TENM3: variants seen among roughly 807,000 people sequenced by gnomAD.
TENM3 encodes teneurin transmembrane protein 3, also known as teneurin-3.
Under a neutral mutation model 255.1 loss-of-function variants are expected in TENM3, and 63 were observed. The observed-to-expected ratio is 0.25, with a 90% CI of 0.20 to 0.30. The LOEUF is 0.30. TENM3 is among the 10% of genes least tolerant of loss of function. TENM3 has a pLI of 1.00. For missense variants in TENM3, 2,929 were observed against 3,461.1 expected (o/e 0.85, Z 3.86); for synonymous variants, 1,306 against 1,322.3 (o/e 0.99, Z 0.27).
the TENM3 span, among the ~76,000 whole-genome samples, chr4:181,700,913 T>G: frequency 6.6e-6 from 1 of 152,218 alleles, no homozygotes; most frequent in Non-Finnish European, 1.5e-5. Flanking sequence ...ATTTTTTAAT[T>G]TATTTTTAGT....
intron 3 of TENM3, among the ~76,000 whole-genome samples, chr4:182,471,168 A>T (rs1733086901): frequency 6.6e-6 from 1 of 152,250 alleles, no homozygotes; most frequent in Non-Finnish European, 1.5e-5. Context: ...CATAATACAC[A>T]CTTCACTGTA....
At chr4:181,606,371 C>T in the TENM3 span, among the ~76,000 whole-genome samples, 2 of 152,118 alleles carry the variant, frequency 1.3e-5, no homozygotes, top group African/African-American at 4.8e-5. Context: ...TTGTTCCTTC[C>T]GTTTTTCAGC....
chr4:181,754,284 T>TCACTCACA, the TENM3 span, among the ~76,000 whole-genome samples: 1 of 144,516 alleles, frequency 6.9e-6, no homozygotes, highest in Non-Finnish European at 1.5e-5. Context: ...TATATCCCAG[T>TCACTCACA]CACACACACA....
intron 6 of TENM3, among the ~76,000 whole-genome samples, chr4:182,659,988 G>A (rs1754088924): frequency 6.6e-6 from 1 of 152,162 alleles, no homozygotes; most frequent in Admixed American, 6.5e-5. Context: ...TAGCTTCATT[G>A]TGCCTAAGTG....
intron 3 of TENM3, among the ~76,000 whole-genome samples, chr4:182,564,800 C>G (rs1245825827): frequency 1.3e-5 from 2 of 152,258 alleles, no homozygotes; most frequent in Non-Finnish European, 2.9e-5. Context: ...GATCTAACAT[C>G]TGTTTCTCTC....
the TENM3 span, among the ~76,000 whole-genome samples, chr4:182,074,131 C>T: frequency 6.6e-6 from 1 of 152,282 alleles, no homozygotes; most frequent in East Asian, 1.9e-4. Context: ...AGAATTATGG[C>T]TAAACTGCTT....
At chr4:181,862,456 C>T in the TENM3 span, among the ~76,000 whole-genome samples, 2 of 152,026 alleles carry the variant, frequency 1.3e-5, no homozygotes, top group Admixed American at 6.6e-5. Flanking sequence ...TCAATACCAC[C>T]GTTTTCTTTT....
chr4:181,952,462 C>A, the TENM3 span, among the ~76,000 whole-genome samples: 1 of 152,182 alleles, frequency 6.6e-6, no homozygotes, highest in African/African-American at 2.4e-5. Flanking sequence ...CAGCAGCAAT[C>A]AAATTATGTT....
the TENM3 span, among the ~76,000 whole-genome samples, chr4:181,700,989 T>C: frequency 2.6e-5 from 4 of 152,342 alleles, no homozygotes; most frequent in Non-Finnish European, 5.9e-5. Context: ...AAATAGGTCA[T>C]CTTTTGTCTT....
intron 3 of TENM3, among the ~76,000 whole-genome samples, chr4:182,362,556 G>A (rs184230920): frequency 8.7e-4 from 131 of 150,100 alleles, no homozygotes; most frequent in African/African-American, 2.6e-3. Flanking sequence ...CTGGTGCGCC[G>A]TTTTTTTAAG....
In TENM3 at chr4:182,323,876, G is replaced by A. The variant is rs959790790; in HGVS notation, c.-75-70G>A. ...ATTGTTTCCTACCATCCCAGATTGAGAAGGGTAGAGAGTAGCCAGTTTTTA... is the reference window on the plus strand; with the variant it reads ...ATTGTTTCCTACCATCCCAGATTGAAAAGGGTAGAGAGTAGCCAGTTTTTA... On this transcript the variant is annotated intron_variant, in intron 1 of 27. Transcript: ENST00000511685. 3 of 635,282 alleles carry A rather than the reference G, an allele frequency of 4.7e-6. No individual in the cohort carries two copies. In the African/African-American group the frequency reaches 5.5e-5, roughly 12 times the overall value. 39.4% of individuals were successfully genotyped at this position (635,282 alleles called of 1,614,324 possible).
the TENM3 span, among the ~76,000 whole-genome samples, chr4:182,056,656 C>T: frequency 2.0e-5 from 3 of 152,114 alleles, no homozygotes; most frequent in Non-Finnish European, 1.5e-5. Context: ...AGCTAAATGC[C>T]GGCAGCTGCA....
chr4:182,551,750 G>C (rs1742051272), intron 3 of TENM3, among the ~76,000 whole-genome samples: 1 of 152,048 alleles, frequency 6.6e-6, no homozygotes, highest in Admixed American at 6.6e-5. Context: ...GCCATGCACA[G>C]TAGCTCACAC....
chr4:182,403,694 TTTA>T (rs1769359302), intron 3 of TENM3, among the ~76,000 whole-genome samples: 1 of 152,172 alleles, frequency 6.6e-6, no homozygotes, highest in Non-Finnish European at 1.5e-5. Context: ...ACCGATGTAG[TTTA>T]ATAGCAGGTT....
chr4:181,721,527 G>A, the TENM3 span, among the ~76,000 whole-genome samples: 1 of 82,894 alleles, frequency 1.2e-5, no homozygotes, highest in African/African-American at 3.8e-5. Flanking sequence ...GTGAACCCGG[G>A]AGGCGGAGCT....
the TENM3 span, among the ~76,000 whole-genome samples, chr4:181,877,569 A>G: frequency 0.96 from 146,124 of 152,206 alleles, 70,440 homozygotes; most frequent in East Asian, 1. Context: ...AACATACAGG[A>G]ATTGATTTTC....
At chr4:182,595,584 A>AT (rs1747126823) in intron 3 of TENM3, among the ~76,000 whole-genome samples, 1 of 152,194 alleles carries the variant, frequency 6.6e-6, no homozygotes, top group Non-Finnish European at 1.5e-5. Context: ...AAAAACATGC[A>AT]ACTGTTAGGC....
At chr4:182,120,095 G>GCA in the TENM3 span, among the ~76,000 whole-genome samples, 1 of 40,014 alleles carries the variant, frequency 2.5e-5, no homozygotes, top group African/African-American at 1.5e-4. Flanking sequence ...GTGCGTGCGC[G>GCA]CACACACACA....
rs115034896 is a variant in TENM3, at chr4:182,368,782, T to C, written c.511+21853T>C. 3.8e-3 allele frequency among the ~76,000 whole-genome samples: 575 copies of C among 152,312 alleles called. 2 individuals carry two copies. The highest frequency in any genetic ancestry group is 5.4e-3 in the Non-Finnish European group (369 of 68,028). On this transcript the variant is annotated intron_variant, in intron 3 of 27. Coordinates refer to ENST00000511685, the MANE Select transcript of TENM3 (RefSeq NM_001080477.4). ...ACGAGTCCTGGTTTCTTCCCCCAGATTGCAAGTAGCTTGTACGGCATGTGC... is the reference window on the plus strand; with the variant it reads ...ACGAGTCCTGGTTTCTTCCCCCAGACTGCAAGTAGCTTGTACGGCATGTGC...
Sources: gnomAD v4.1 joint callset for allele counts (sites outside exome capture counted in the v4.1 genomes callset) on GRCh38, gnomAD v4.1.1 for gene constraint, MANE v1.5 for transcripts, NCBI Gene and HGNC (gene_info 2026-07-23, HGNC 2026-07-21) for gene names.